STAC: variants seen among roughly 807,000 people sequenced by gnomAD.
STAC encodes SH3 and cysteine-rich domain-containing protein.
In STAC, 43 loss-of-function variants were observed where a neutral mutation model predicts 48.8. The observed-to-expected ratio is 0.88, with a 90% CI of 0.69 to 1.14. The LOEUF is 1.14. Ranked by LOEUF, STAC falls within the 50% of genes most tolerant of loss-of-function variation. STAC has a pLI of 0.00. For synonymous variants in STAC, 193 were observed against 179.5 expected (o/e 1.07, Z -0.60); for missense variants, 497 against 504.0 (o/e 0.99, Z 0.13).
rs75863386 is a variant in STAC at position 36,474,083 on chromosome 3, T to C, written c.389-8909T>C. Among the ~76,000 whole-genome samples, 43 of 152,314 alleles carry C rather than the reference T, an allele frequency of 2.8e-4. No homozygotes were observed. The East Asian group carries it at 7.9e-3, about 28-fold the overall frequency. On this transcript the variant is annotated intron_variant, in intron 2 of 10. Coordinates refer to ENST00000273183, the MANE Select transcript of STAC (RefSeq NM_003149.3). The stretch of plus-strand genomic sequence containing the variant: ...GCTACATATTTTCAAAGGCCTATAC[T>C]GGGCTGTAGTATATATAGTGGGCTG...
At position 36,529,087 on chromosome 3, in the gene STAC, A is replaced by G. The variant is rs1575265024; in HGVS notation, c.1110+102A>G. On this transcript the variant is annotated intron_variant, in intron 10 of 10. Transcript: ENST00000273183. Reference sequence around the variant, plus strand: ...AATCTGAATGAGTGGGGTCACATTCAAAGTATTCACTTTGAGAAAAGATAT... The same window carrying G: ...AATCTGAATGAGTGGGGTCACATTCGAAGTATTCACTTTGAGAAAAGATAT... 5 of 1,193,302 alleles carry G rather than the reference A, an allele frequency of 4.2e-6. No individual in the cohort carries two copies. The South Asian group carries it at 1.1e-4, about 26-fold the overall frequency. 73.9% of individuals were successfully genotyped at this position (1,193,302 alleles called of 1,614,324 possible). A position where few individuals can be genotyped will look rare whatever the true frequency, so the allele number is the denominator to read the frequency against.
Position 36,380,722 on chromosome 3 carries a change from T to TCCCCGCC in STAC, c.80_81insCCCGCCC (p.Ala29ProfsTer32). 1 of 1,611,726 alleles carries TCCCCGCC rather than the reference T, an allele frequency of 6.2e-7. No individual in the cohort carries two copies. The highest frequency in any genetic ancestry group is 1.1e-5 in the South Asian group (1 of 90,782). On this transcript the variant is annotated frameshift_variant, in exon 1 of 11. Coordinates refer to ENST00000273183, the MANE Select transcript of STAC (RefSeq NM_003149.3). LOFTEE classifies it high-confidence loss of function. ...GGCGGTGGGCGCCGAGCAACCGCCC[T>TCCCCGCC]CTCCTGCATCCACCAGCAGCCAGGA...
intron 8 of STAC, among the ~76,000 whole-genome samples, chr3:36,515,604 AG>A (rs1698651910): frequency 6.6e-6 from 1 of 152,188 alleles, no homozygotes; most frequent in Admixed American, 6.5e-5. Flanking sequence ...AAGCGGGTAG[AG>A]GAACAGTCAG....
chr3:36,512,303 G>C (rs1698561742), intron 8 of STAC, among the ~76,000 whole-genome samples: 2 of 152,140 alleles, frequency 1.3e-5, no homozygotes, highest in Non-Finnish European at 2.9e-5. Flanking sequence ...AGCCAGAGCA[G>C]AGCCTGCCTA....
intron 6 of STAC, among the ~76,000 whole-genome samples, 189 bp from the exon 7 acceptor site, chr3:36,504,204 T>C (rs916718952): frequency 3.3e-5 from 5 of 152,320 alleles, no homozygotes; most frequent in Middle Eastern, 6.8e-3. Flanking sequence ...TGCAGAATGC[T>C]GCATGGGGAG....
chr3:36,402,303 A>G (rs1700012633), intron 1 of STAC, among the ~76,000 whole-genome samples: 1 of 152,094 alleles, frequency 6.6e-6, no homozygotes, highest in African/African-American at 2.4e-5. Flanking sequence ...GGGAAGAAGA[A>G]GGAAGGAAGG....
chr3:36,387,433 C>T (rs1270006410), intron 1 of STAC, among the ~76,000 whole-genome samples: 2 of 152,052 alleles, frequency 1.3e-5, no homozygotes, highest in Admixed American at 6.6e-5. Flanking sequence ...TCCAGAACAT[C>T]TTTATCATCT....
intron 1 of STAC, among the ~76,000 whole-genome samples, chr3:36,423,712 T>C (rs951451443): frequency 6.6e-6 from 1 of 152,146 alleles, no homozygotes; most frequent in Non-Finnish European, 1.5e-5. Flanking sequence ...CATGTGTGTA[T>C]CATTATTAAT....
chr3:36,495,873 T>C (rs763664253), intron 6 of STAC, among the ~76,000 whole-genome samples: 12 of 152,200 alleles, frequency 7.9e-5, no homozygotes, highest in Non-Finnish European at 1.5e-4. Context: ...CTGTTAGAAA[T>C]AGCAAGTTTC....
chr3:36,481,901 G>C (rs1379547294), intron 2 of STAC, among the ~76,000 whole-genome samples: 1 of 152,140 alleles, frequency 6.6e-6, no homozygotes, highest in Admixed American at 6.5e-5. Flanking sequence ...ACCCTCTCAG[G>C]ACTGAGGAGA....
intron 2 of STAC, among the ~76,000 whole-genome samples, chr3:36,447,542 G>A (rs954023695): frequency 6.6e-6 from 1 of 152,050 alleles, no homozygotes; most frequent in South Asian, 2.1e-4. Context: ...GCTGTTGTTT[G>A]ACCATTAGGT....
intron 8 of STAC, among the ~76,000 whole-genome samples, chr3:36,523,540 AG>A (rs1286243909): frequency 6.6e-6 from 1 of 152,256 alleles, no homozygotes; most frequent in Non-Finnish European, 1.5e-5. Flanking sequence ...ATTTGGAAAT[AG>A]AGTTAAATTG....
At position 36,443,488 on chromosome 3, in the gene STAC, T is replaced by C. The variant is rs995933907; in HGVS notation, c.236T>C (p.Ile79Thr). ...CTGCAAGCACACATGGTGGCTGAGA[T>C]CAGCCCCAGCTCCAGCCCACTCCCT... ...MKLQAHMVAEISPSSSPLPAP... is the reference protein window; with the variant it reads ...MKLQAHMVAETSPSSSPLPAP... The change falls in exon 2 of 11, where the codon ATC (isoleucine) becomes ACC (threonine). Residue 79 changes from isoleucine (I) to threonine (T), a missense_variant. Physicochemically the swap from Ile to Thr is moderately conservative, Grantham distance 89. Coordinates refer to ENST00000273183, the MANE Select transcript of STAC (RefSeq NM_003149.3). The surrounding 1 kb of genome is among the most constrained non-coding windows in gnomAD (Gnocchi z 4.2). The C allele has an allele frequency of 1.9e-6, 3 of 1,614,192 alleles. No individual in the cohort carries two copies. Among genetic ancestry groups the C allele is most frequent in the Non-Finnish European group, 8.5e-7 (1 of 1,180,046 alleles).
intron 2 of STAC, among the ~76,000 whole-genome samples, chr3:36,469,702 G>A (rs575475000): frequency 5.9e-5 from 9 of 152,150 alleles, no homozygotes; most frequent in African/African-American, 1.2e-4. Context: ...CTTCTTCCCC[G>A]GGAAGCCCAA....
chr3:36,435,884 T>C (rs983089047), intron 1 of STAC, among the ~76,000 whole-genome samples: 2 of 152,218 alleles, frequency 1.3e-5, no homozygotes, highest in Non-Finnish European at 2.9e-5. Context: ...AGTCTTCTCC[T>C]TCCTCACCAG....
chr3:36,529,178 T>C, intron 10 of STAC, 193 bp downstream of exon 10: 3 of 498,890 alleles, frequency 6.0e-6, no homozygotes, highest in Non-Finnish European at 9.7e-6. Flanking sequence ...GGAATCTCAC[T>C]TGGTGATACC....
chr3:36,525,022 T>G (rs189887649), intron 8 of STAC, among the ~76,000 whole-genome samples: 251 of 152,354 alleles, frequency 1.6e-3, no homozygotes, highest in African/African-American at 5.7e-3. Flanking sequence ...ATATACTTAA[T>G]AATTATACAT....
At chr3:36,523,896 A>G (rs948144824) in intron 8 of STAC, among the ~76,000 whole-genome samples, 2 of 152,210 alleles carry the variant, frequency 1.3e-5, no homozygotes, top group Non-Finnish European at 2.9e-5. Context: ...AAGAGAAGAT[A>G]ACTAAATTAA....
At chr3:36,461,840 TAC>T (rs1697025969) in intron 2 of STAC, among the ~76,000 whole-genome samples, 1 of 152,102 alleles carries the variant, frequency 6.6e-6, no homozygotes. Context: ...GAATAAAGAA[TAC>T]AGAGTAAAGG....
Sources: gnomAD v4.1 joint callset for allele counts (sites outside exome capture counted in the v4.1 genomes callset) on GRCh38, gnomAD v4.1.1 for gene constraint, Gnocchi (gnomAD v3.1) non-coding constraint, MANE v1.5 for transcripts, NCBI Gene and HGNC (gene_info 2026-07-23, HGNC 2026-07-21) for gene names.